WDPCP: variants seen among roughly 807,000 people sequenced by gnomAD.
WDPCP encodes the protein WD repeat containing planar cell polarity effector.
A neutral mutation model predicts 93.1 loss-of-function variants in WDPCP; 71 were observed. That is an observed-to-expected ratio of 0.76 (90% confidence interval 0.63 to 0.93). The LOEUF is 0.93. Among genes scored for constraint, WDPCP ranks in the 40% least tolerant of loss-of-function variants. WDPCP has a pLI of 0.00. For missense variants in WDPCP, 844 were observed against 887.4 expected (o/e 0.95, Z 0.62); for synonymous variants, 315 against 315.0 (o/e 1.00, Z 0.00).
chr2:63,728,912 C>A (rs1039848890), intron 2 of WDPCP, among the ~76,000 whole-genome samples: 3 of 152,178 alleles, frequency 2.0e-5, no homozygotes, highest in African/African-American at 7.2e-5. Flanking sequence ...CTATTTAGGA[C>A]CAGCACTAAG....
chr2:63,276,358 A>G (rs1281203662), intron 13 of WDPCP, among the ~76,000 whole-genome samples: 1 of 152,224 alleles, frequency 6.6e-6, no homozygotes, highest in African/African-American at 2.4e-5. Context: ...CTCACCAGTA[A>G]TGGATCCAAA....
At chr2:63,430,753 A>T (rs1575407790) in intron 9 of WDPCP, among the ~76,000 whole-genome samples, 1 of 152,294 alleles carries the variant, frequency 6.6e-6, no homozygotes. Flanking sequence ...GTGGTGGTGC[A>T]TGCCTGTAGT....
intron 8 of WDPCP, among the ~76,000 whole-genome samples, chr2:63,434,893 C>T (rs1257748926): frequency 6.6e-6 from 1 of 152,000 alleles, no homozygotes; most frequent in Non-Finnish European, 1.5e-5. Flanking sequence ...GTTAAGAACC[C>T]GTTGCATTTA....
chr2:63,131,126 A>T (rs904610539), intron 17 of WDPCP, among the ~76,000 whole-genome samples: 1 of 152,174 alleles, frequency 6.6e-6, no homozygotes, highest in Non-Finnish European at 1.5e-5. Flanking sequence ...AGAGTTTTTA[A>T]AAAAATCCAT....
rs182220349 is a variant in WDPCP at position 63,754,853 on chromosome 2, T to G, written n.308+58769A>C. Among the ~76,000 whole-genome samples, 349 of 152,306 alleles carry G rather than the reference T, an allele frequency of 2.3e-3. 1 individual carries two copies. Among genetic ancestry groups the G allele is most frequent in the Non-Finnish European group, 3.5e-3 (239 of 68,014 alleles). The stretch of plus-strand genomic sequence containing the variant: ...CAACAATTAATATTTATTATCTCAT[T>G]GTTATTTTGGGTCAGAAATTTGGAC... On this transcript the variant is annotated intron_variant and non_coding_transcript_variant, in intron 2 of 4. Transcript: ENST00000467687.
At chr2:63,599,572 T>C (rs891893622) in intron 3 of WDPCP, 9 of 217,856 alleles carry the variant, frequency 4.1e-5, no homozygotes, top group Non-Finnish European at 8.2e-5. Context: ...GTTCTCTTGT[T>C]ACAGTGGTTA....
At position 63,174,822 on chromosome 2, in the gene WDPCP, T is replaced by G; in HGVS notation, c.1926A>C (p.Gly642=). The part of the protein sequence containing the change: ...ESITSGVELL[G]PLDRGDMLNE... ...TTAGCATATCCCCTCTGTCCAAGGG[T>G]CCCAGGAGTTCTGTTGAAAATGATT... is the stretch of plus-strand genomic sequence containing the variant. Residue 642 remains glycine (G), a synonymous_variant, in exon 15 of 18, where the codon GGA becomes GGC. Transcript: ENST00000272321. 1 of 1,613,760 alleles carries G rather than the reference T, an allele frequency of 6.2e-7. No individual in the cohort carries two copies. The highest frequency in any genetic ancestry group is 8.5e-7 in the Non-Finnish European group (1 of 1,179,838).
intron 13 of WDPCP, among the ~76,000 whole-genome samples, chr2:63,270,451 C>T (rs1682541133): frequency 6.6e-6 from 1 of 151,600 alleles, no homozygotes; most frequent in South Asian, 2.1e-4. Context: ...CGATTTTAGC[C>T]ATTTATATTT....
intron 9 of WDPCP, among the ~76,000 whole-genome samples, chr2:63,426,327 G>C (rs990087436): frequency 3.3e-5 from 5 of 152,092 alleles, no homozygotes; most frequent in African/African-American, 1.2e-4. Flanking sequence ...AGGTGACAGA[G>C]TGAGACTCTG....
chr2:63,152,228 A>G (rs1204489596), intron 17 of WDPCP, among the ~76,000 whole-genome samples: 1 of 150,718 alleles, frequency 6.6e-6, no homozygotes, highest in Non-Finnish European at 1.5e-5. Flanking sequence ...AAACTGCTGT[A>G]TTACCCGCTA....
At chr2:63,453,498 A>G (rs957512372) in intron 6 of WDPCP, among the ~76,000 whole-genome samples, 4 of 152,214 alleles carry the variant, frequency 2.6e-5, no homozygotes, top group Admixed American at 1.3e-4. Context: ...TGTTGGTGGG[A>G]CTATAAACTA....
At chr2:63,231,139 A>T (rs1421898120) in intron 14 of WDPCP, among the ~76,000 whole-genome samples, 1 of 151,964 alleles carries the variant, frequency 6.6e-6, no homozygotes, top group African/African-American at 2.4e-5. Context: ...AGAACCAAAG[A>T]CAAAAACCAC....
intron 17 of WDPCP, among the ~76,000 whole-genome samples, chr2:63,125,149 C>T (rs1258536181): frequency 6.6e-6 from 1 of 152,180 alleles, no homozygotes; most frequent in Admixed American, 6.5e-5. Flanking sequence ...GAGTTTGGTA[C>T]TTGACATTTT....
intron 2 of WDPCP, among the ~76,000 whole-genome samples, chr2:63,719,213 C>T (rs958640150): frequency 6.6e-6 from 1 of 152,112 alleles, no homozygotes; most frequent in African/African-American, 2.4e-5. Flanking sequence ...GAGGTGAGGA[C>T]AGTATTACTG....
chr2:63,246,898 A>G (rs1680318818), intron 14 of WDPCP, among the ~76,000 whole-genome samples: 1 of 152,176 alleles, frequency 6.6e-6, no homozygotes, highest in African/African-American at 2.4e-5. Flanking sequence ...AATGGTTCTG[A>G]ATCAAGGTGA....
intron 17 of WDPCP, among the ~76,000 whole-genome samples, chr2:63,127,662 C>CATATATATATATAT (rs67091232): frequency 4.6e-5 from 6 of 131,708 alleles, no homozygotes; most frequent in African/African-American, 8.6e-5. Context: ...TGTGTATGTG[C>CATATATATATATAT]ATATATATAT....
At chr2:63,813,482 C>G (rs1223116994) in intron 2 of WDPCP, 1 of 152,210 alleles carries the variant, frequency 6.6e-6, no homozygotes, top group Non-Finnish European at 1.5e-5. Context: ...CAGTCCTCAT[C>G]ATGTGTTCTA....
rs776749776 is a variant in WDPCP at position 63,317,311 on chromosome 2, G to A, written c.1749-4000C>T. On this transcript the variant is annotated intron_variant, in intron 12 of 17. Coordinates refer to ENST00000272321, the MANE Select transcript of WDPCP (RefSeq NM_015910.7). Reference sequence around the variant, plus strand: ...TAATCCCAGCTACTTGGGAAGCTGAGGCAGAAGAATAGCTTGAATCTGGGA... The same window carrying A: ...TAATCCCAGCTACTTGGGAAGCTGAAGCAGAAGAATAGCTTGAATCTGGGA... Among the ~76,000 whole-genome samples, 17 of 151,752 alleles carry A rather than the reference G, an allele frequency of 1.1e-4. No individual in the cohort carries two copies. In the Middle Eastern group the frequency reaches 0.01, roughly 91 times the overall value.
chr2:63,727,048 G>T (rs1212357687), intron 2 of WDPCP, among the ~76,000 whole-genome samples: 1 of 152,104 alleles, frequency 6.6e-6, no homozygotes, highest in Non-Finnish European at 1.5e-5. Flanking sequence ...TCTCTTGCCT[G>T]ATTGCTCTAG....
Sources: gnomAD v4.1 joint callset for allele counts (sites outside exome capture counted in the v4.1 genomes callset) on GRCh38, gnomAD v4.1.1 for gene constraint, MANE v1.5 for transcripts, NCBI Gene and HGNC (gene_info 2026-07-23, HGNC 2026-07-21) for gene names.